Variants in NREP observed in about 807,000 individuals in gnomAD.
NREP encodes the protein neuronal regeneration related protein.
NREP carries 5 observed loss-of-function variants against 8.6 expected under a neutral mutation model. That is an observed-to-expected ratio of 0.58 (90% confidence interval 0.30 to 1.22). The LOEUF (loss-of-function observed/expected upper bound fraction) is 1.22. Ranked by LOEUF, NREP falls within the 50% of genes most tolerant of loss-of-function variation. The probability of loss-of-function intolerance (pLI) is 0.07; values close to 1 mark genes in which losing one functional copy is unlikely to be tolerated. For missense variants in NREP, 86 were observed against 82.5 expected, an observed-to-expected ratio of 1.04 and a Z score of -0.17; for synonymous variants, 27 against 28.0, an observed-to-expected ratio of 0.96 and a Z score of 0.11.
At chr5:111,779,267 G>T (rs1751434312) in intron 2 of NREP, among the ~76,000 whole-genome samples, 1 of 152,118 alleles carries the variant, frequency 6.6e-6, no homozygotes, top group Non-Finnish European at 1.5e-5. Context: ...CCTCCTAAGG[G>T]GTTGGAAGCA....
At chr5:111,804,253 A>C (rs1036949056) in intron 2 of NREP, among the ~76,000 whole-genome samples, 32 of 152,364 alleles carry the variant, frequency 2.1e-4, no homozygotes, top group African/African-American at 7.7e-4. Context: ...TACACGATAA[A>C]GGTCACATTT....
At chr5:111,852,624 G>A (rs1277461357) in intron 2 of NREP, among the ~76,000 whole-genome samples, 2 of 152,116 alleles carry the variant, frequency 1.3e-5, no homozygotes, top group Non-Finnish European at 2.9e-5. Context: ...TCCCATCAAT[G>A]ACCTTGGGAC....
At chr5:111,806,585 G>C (rs1752146159) in intron 2 of NREP, among the ~76,000 whole-genome samples, 1 of 152,088 alleles carries the variant, frequency 6.6e-6, no homozygotes, top group African/African-American at 2.4e-5. Flanking sequence ...CATCAGCCTT[G>C]GAAATTGATC....
intron 2 of NREP, among the ~76,000 whole-genome samples, chr5:111,869,929 G>C (rs969825288): frequency 3.3e-5 from 5 of 152,152 alleles, no homozygotes; most frequent in African/African-American, 1.2e-4. Context: ...GATCAGAAGA[G>C]ACATTGTACA....
At chr5:111,766,529 G>A (rs1026581912) in intron 2 of NREP, among the ~76,000 whole-genome samples, 1 of 152,224 alleles carries the variant, frequency 6.6e-6, no homozygotes, top group African/African-American at 2.4e-5. Flanking sequence ...GTGAAGGGAA[G>A]TGTAATGTTA....
At chr5:111,897,943 A>T (rs1754551700) in intron 2 of NREP, among the ~76,000 whole-genome samples, 1 of 152,046 alleles carries the variant, frequency 6.6e-6, no homozygotes, top group African/African-American at 2.4e-5. Context: ...ATGATTTTGA[A>T]TTTTTTCTTA....
intron 2 of NREP, among the ~76,000 whole-genome samples, chr5:111,922,744 C>T (rs1755281113): frequency 6.6e-6 from 1 of 152,192 alleles, no homozygotes; most frequent in South Asian, 2.1e-4. Flanking sequence ...TGGTTGGAGG[C>T]TGGCAAATGG....
intron 2 of NREP, among the ~76,000 whole-genome samples, chr5:111,971,055 T>A (rs1756802922): frequency 6.6e-6 from 1 of 152,094 alleles, no homozygotes; most frequent in African/African-American, 2.4e-5. Context: ...AAGTTCCCCT[T>A]CCCCTAGTCC....
intron 1 of NREP, 70 bp from the exon 2 acceptor site, chr5:111,755,900 T>A: frequency 6.3e-7 from 1 of 1,590,604 alleles, no homozygotes; most frequent in Non-Finnish European, 8.6e-7. Flanking sequence ...AATGCCTCTT[T>A]AGAGGTTACA....
chr5:111,942,610 T>C (rs143850340), intron 2 of NREP, among the ~76,000 whole-genome samples: 2 of 152,028 alleles, frequency 1.3e-5, no homozygotes, highest in Admixed American at 1.3e-4. Flanking sequence ...GAAGTTGATA[T>C]TCTTCTTTAA....
chr5:111,912,518 G>C (rs776780078), intron 2 of NREP: 3 of 152,018 alleles, frequency 2.0e-5, no homozygotes, highest in East Asian at 1.9e-4. Context: ...CTTTCCTAAA[G>C]GATATAGATT....
chr5:111,789,642 C>G (rs992721081), intron 2 of NREP, among the ~76,000 whole-genome samples: 7 of 152,146 alleles, frequency 4.6e-5, no homozygotes, highest in Admixed American at 2.0e-4. Context: ...TATAGACCCC[C>G]ATGGTTGCTC....
At chr5:111,837,815 C>A (rs1752930991) in intron 2 of NREP, among the ~76,000 whole-genome samples, 1 of 152,040 alleles carries the variant, frequency 6.6e-6, no homozygotes, top group Non-Finnish European at 1.5e-5. Context: ...AGATTACCTT[C>A]TGGTCACAAA....
chr5:111,934,092 T>G (rs528376583), intron 2 of NREP, among the ~76,000 whole-genome samples: 14 of 152,190 alleles, frequency 9.2e-5, no homozygotes, highest in Non-Finnish European at 1.2e-4. Flanking sequence ...GAGGAGGGAA[T>G]GAGCAGGTGC....
intron 2 of NREP, among the ~76,000 whole-genome samples, chr5:111,741,822 C>CAT (rs1278311441): frequency 2.7e-5 from 1 of 37,182 alleles, no homozygotes; most frequent in East Asian, 4.2e-4. Flanking sequence ...TAAACACACA[C>CAT]ATACACACAC....
chr5:111,942,054 C>T (rs899247783), intron 2 of NREP, among the ~76,000 whole-genome samples: 5 of 151,978 alleles, frequency 3.3e-5, no homozygotes, highest in African/African-American at 1.2e-4. Flanking sequence ...GGTAAGAGTA[C>T]TTGTCTCAAA....
chr5:111,905,197 A>T (rs1754750172), intron 2 of NREP, among the ~76,000 whole-genome samples: 1 of 152,142 alleles, frequency 6.6e-6, no homozygotes, highest in African/African-American at 2.4e-5. Context: ...ACATGGGTGT[A>T]CCATAGTTTG....
chr5:111,797,820 G>A (rs986754361), intron 2 of NREP, among the ~76,000 whole-genome samples: 1 of 152,148 alleles, frequency 6.6e-6, no homozygotes, highest in Non-Finnish European at 1.5e-5. Flanking sequence ...TCAGAAAAGG[G>A]GAAGTAATAG....
intron 2 of NREP, among the ~76,000 whole-genome samples, chr5:111,752,870 C>G (rs1481112985): frequency 2.0e-5 from 3 of 152,092 alleles, no homozygotes; most frequent in South Asian, 2.1e-4. Flanking sequence ...CTTATTTTTT[C>G]AAACTATTCA....
Sources: gnomAD v4.1 joint callset for allele counts (sites outside exome capture counted in the v4.1 genomes callset) on GRCh38, gnomAD v4.1.1 for gene constraint, MANE v1.5 for transcripts, NCBI Gene and HGNC (gene_info 2026-07-23, HGNC 2026-07-21) for gene names.